Variants in CDKAL1 observed in about 807,000 individuals in gnomAD.
The protein encoded by CDKAL1 is CDKAL1 threonylcarbamoyladenosine tRNA methylthiotransferase, also known as threonylcarbamoyladenosine tRNA methylthiotransferase.
CDKAL1 carries 32 observed loss-of-function variants against 68.2 expected under a neutral mutation model. The observed-to-expected ratio is 0.47, with a 90% CI of 0.35 to 0.63. The LOEUF is 0.63. CDKAL1 is among the 30% of genes least tolerant of loss of function. CDKAL1 has a pLI of 0.00. For synonymous variants in CDKAL1, 234 were observed against 244.3 expected (o/e 0.96, Z 0.39); for missense variants, 606 against 696.7 (o/e 0.87, Z 1.47).
chr6:20,542,694 G>A (rs1255904775), intron 2 of CDKAL1, among the ~76,000 whole-genome samples: 3 of 152,044 alleles, frequency 2.0e-5, no homozygotes, highest in African/African-American at 7.3e-5. Flanking sequence ...GTAACATCTT[G>A]CAAAACTACA....
At chr6:20,816,291 C>T (rs957449283) in intron 8 of CDKAL1, among the ~76,000 whole-genome samples, 1 of 152,148 alleles carries the variant, frequency 6.6e-6, no homozygotes, top group Non-Finnish European at 1.5e-5. Context: ...ACTAGTCAAC[C>T]CAATACAGCA....
intron 15 of CDKAL1, among the ~76,000 whole-genome samples, chr6:21,213,558 T>G (rs186672432): frequency 6.6e-6 from 1 of 152,320 alleles, no homozygotes; most frequent in East Asian, 1.9e-4. Flanking sequence ...TCACTGACTT[T>G]GAGTAGCTGT....
intron 12 of CDKAL1, among the ~76,000 whole-genome samples, chr6:21,069,813 G>A (rs1297910585): frequency 1.2e-4 from 9 of 72,168 alleles, no homozygotes; most frequent in Admixed American, 2.4e-4. Context: ...TTAAAACAGA[G>A]CCTTGCTCTG....
rs755278281 is a variant in CDKAL1, at chr6:20,548,601, C to T, written c.182C>T (p.Pro61Leu). The change falls in exon 4 of 16, where the codon CCA (proline) becomes CTA (leucine). Residue 61 changes from proline to leucine, a missense_variant. By Grantham distance (98) the Pro-to-Leu change is moderately conservative. Coordinates refer to ENST00000274695, the MANE Select transcript of CDKAL1 (RefSeq NM_017774.3). ...TATTGATTCCTTAACAGCACTATTC[C>T]AGGCATACAGAAAATTTGGATACGA... ...ENSPPSDSTI[P>L]GIQKIWIRTW... The T allele has an allele frequency of 6.8e-7, 1 of 1,464,616 alleles. No individual in the cohort carries two copies. Among genetic ancestry groups the T allele is most frequent in the African/African-American group, 1.4e-5 (1 of 70,914 alleles). The allele number at this position is 1,464,616 out of a possible 1,614,324, so 90.7% of individuals were successfully genotyped here.
At chr6:21,029,573 A>G (rs1440390772) in intron 11 of CDKAL1, among the ~76,000 whole-genome samples, 1 of 152,180 alleles carries the variant, frequency 6.6e-6, no homozygotes, top group African/African-American at 2.4e-5. Context: ...AATTTTTGCA[A>G]TCTACTTATC....
In CDKAL1 at chr6:20,645,206, C is replaced by T. The variant is rs151122714; in HGVS notation, c.287-4087C>T. Among the ~76,000 whole-genome samples the T allele has an allele frequency of 4.3e-4, 65 of 152,294 alleles. 3 individuals carry two copies. The East Asian group carries it at 0.011, about 26-fold the overall frequency. ...ATGTGAAGGCCTGGGACATACCCTG[C>T]ACCCTACTGTAGACTTTATAAACAC... On this transcript the variant is annotated intron_variant, in intron 4 of 15. Coordinates refer to ENST00000274695, the MANE Select transcript of CDKAL1 (RefSeq NM_017774.3).
At chr6:20,899,239 A>G (rs1344425259) in intron 9 of CDKAL1, among the ~76,000 whole-genome samples, 1 of 151,536 alleles carries the variant, frequency 6.6e-6, no homozygotes, top group Non-Finnish European at 1.5e-5. Flanking sequence ...TAATTTTTGT[A>G]TTTTTAGTAG....
At chr6:21,083,100 A>T (rs1055444600) in intron 12 of CDKAL1, among the ~76,000 whole-genome samples, 2 of 152,054 alleles carry the variant, frequency 1.3e-5, no homozygotes, top group African/African-American at 4.8e-5. Context: ...TCCTGAGCTC[A>T]AGTGATCCAC....
At chr6:20,639,037 A>G (rs367753645) in intron 4 of CDKAL1, among the ~76,000 whole-genome samples, 1 of 152,146 alleles carries the variant, frequency 6.6e-6, no homozygotes, top group East Asian at 1.9e-4. Context: ...GTTCTTTTCT[A>G]CATGGTAAGT....
intron 4 of CDKAL1, among the ~76,000 whole-genome samples, chr6:20,593,336 C>A (rs1283884021): frequency 1.3e-5 from 2 of 152,080 alleles, no homozygotes; most frequent in African/African-American, 4.8e-5. Flanking sequence ...TAATTACTGC[C>A]TCAATTTCAG....
intron 4 of CDKAL1, among the ~76,000 whole-genome samples, chr6:20,635,186 CT>C (rs1164092254): frequency 6.6e-6 from 1 of 152,050 alleles, no homozygotes; most frequent in Non-Finnish European, 1.5e-5. Flanking sequence ...TACCATTTGG[CT>C]TTTGTGAGTA....
At chr6:20,931,552 T>G (rs1459483878) in intron 9 of CDKAL1, among the ~76,000 whole-genome samples, 1 of 152,164 alleles carries the variant, frequency 6.6e-6, no homozygotes, top group East Asian at 1.9e-4. Context: ...TCCAAAAATG[T>G]GTGGTGGCAT....
At chr6:20,555,414 G>T (rs1023700074) in intron 4 of CDKAL1, among the ~76,000 whole-genome samples, 3 of 151,544 alleles carry the variant, frequency 2.0e-5, no homozygotes, top group Non-Finnish European at 4.4e-5. Context: ...TCCGCCTCCT[G>T]AGTTCAAGCA....
At chr6:21,022,476 C>T (rs991324938) in intron 11 of CDKAL1, among the ~76,000 whole-genome samples, 6 of 152,256 alleles carry the variant, frequency 3.9e-5, no homozygotes, top group East Asian at 3.9e-4. Flanking sequence ...AGCTAAGTGG[C>T]GGGTTGACTG....
chr6:20,771,892 C>T (rs746242330), intron 7 of CDKAL1, among the ~76,000 whole-genome samples: 34 of 152,250 alleles, frequency 2.2e-4, no homozygotes, highest in Non-Finnish European at 4.0e-4. Context: ...CCATACTTCC[C>T]GTACAGCCTG....
At chr6:20,637,054 A>G (rs891782670) in intron 4 of CDKAL1, among the ~76,000 whole-genome samples, 1 of 142,150 alleles carries the variant, frequency 7.0e-6, no homozygotes, top group Non-Finnish European at 1.5e-5. Context: ...AAAAAAAAAG[A>G]AAAAAGAAAA....
At chr6:20,646,997 G>A (rs1471059232) in intron 4 of CDKAL1, among the ~76,000 whole-genome samples, 3 of 152,094 alleles carry the variant, frequency 2.0e-5, no homozygotes, top group African/African-American at 7.2e-5. Flanking sequence ...CACCCGCCTC[G>A]GCCTCCCAAA....
At chr6:20,972,484 C>T (rs1429365963) in intron 10 of CDKAL1, among the ~76,000 whole-genome samples, 1 of 152,174 alleles carries the variant, frequency 6.6e-6, no homozygotes, top group East Asian at 1.9e-4. Context: ...TTCAACTTCC[C>T]AAGTCCTTCA....
chr6:20,559,583 G>T (rs1764191028), intron 4 of CDKAL1: 1 of 152,092 alleles, frequency 6.6e-6, no homozygotes, highest in African/African-American at 2.4e-5. Context: ...TAAATGTCTG[G>T]TTTGCACTTC....
Sources: gnomAD v4.1 joint callset for allele counts (sites outside exome capture counted in the v4.1 genomes callset) on GRCh38, gnomAD v4.1.1 for gene constraint, MANE v1.5 for transcripts, NCBI Gene and HGNC (gene_info 2026-07-23, HGNC 2026-07-21) for gene names.